MSRB2: variants seen among roughly 807,000 people sequenced by gnomAD.
The protein encoded by MSRB2 is methionine-R-sulfoxide reductase B2, mitochondrial.
Under a neutral mutation model 19.0 loss-of-function variants are expected in MSRB2, and 17 were observed. The ratio of observed to expected loss-of-function variants is 0.89; its 90% confidence interval spans 0.61 to 1.34. The LOEUF (loss-of-function observed/expected upper bound fraction) is 1.34, where lower values mean the gene tolerates loss of function less well. MSRB2 is among the 40% of genes most tolerant of loss of function. The probability of loss-of-function intolerance (pLI) is 0.00; values close to 1 mark genes in which losing one functional copy is unlikely to be tolerated. For synonymous variants in MSRB2, 107 were observed against 99.7 expected, an observed-to-expected ratio of 1.07 and a Z score of -0.44; for missense variants, 208 against 237.6, an observed-to-expected ratio of 0.88 and a Z score of 0.82.
At chr10:23,114,922 C>T (rs1191321402) in intron 3 of MSRB2, among the ~76,000 whole-genome samples, 1 of 152,156 alleles carries the variant, frequency 6.6e-6, no homozygotes, top group Non-Finnish European at 1.5e-5. Context: ...CCTTTTGGTG[C>T]CTGCTTTCCT....
chr10:23,097,729 T>A (rs144950057), intron 1 of MSRB2, among the ~76,000 whole-genome samples: 26 of 152,320 alleles, frequency 1.7e-4, no homozygotes, highest in African/African-American at 6.0e-4. Flanking sequence ...ATAATGATAA[T>A]GGTAGGGTTG....
intron 1 of MSRB2, among the ~76,000 whole-genome samples, chr10:23,096,023 C>T (rs1285185790): frequency 1.5e-4 from 23 of 151,090 alleles, no homozygotes; most frequent in Non-Finnish European, 3.0e-5. Flanking sequence ...AAGTGGGGCT[C>T]GGGGGCCTCT....
chr10:23,110,571 A>T (rs1433627070), intron 3 of MSRB2, among the ~76,000 whole-genome samples: 1 of 152,034 alleles, frequency 6.6e-6, no homozygotes, highest in Non-Finnish European at 1.5e-5. Context: ...TCTATCCTCA[A>T]GAAATAGCAA....
intron 1 of MSRB2, among the ~76,000 whole-genome samples, chr10:23,097,872 G>A (rs1839883844): frequency 6.6e-6 from 1 of 152,110 alleles, no homozygotes; most frequent in Admixed American, 6.5e-5. Flanking sequence ...TACATCATGG[G>A]CTTCGGGAGT....
At chr10:23,109,426 C>T (rs1186407594) in intron 2 of MSRB2, among the ~76,000 whole-genome samples, 1 of 151,888 alleles carries the variant, frequency 6.6e-6, no homozygotes, top group Non-Finnish European at 1.5e-5. Context: ...ACCTGTAGTC[C>T]CAGCTATTCG....
chr10:23,102,095 C>T (rs777488954), intron 1 of MSRB2, among the ~76,000 whole-genome samples: 1 of 152,108 alleles, frequency 6.6e-6, no homozygotes, highest in Non-Finnish European at 1.5e-5. Flanking sequence ...CATAGAGATG[C>T]AGTTCCTTTC....
intron 1 of MSRB2, among the ~76,000 whole-genome samples, chr10:23,099,896 G>T (rs1393633320): frequency 6.6e-6 from 1 of 152,236 alleles, no homozygotes; most frequent in Non-Finnish European, 1.5e-5. Flanking sequence ...CTCAATTCAT[G>T]AGAGTCCCAC....
At chr10:23,097,537 T>A (rs1839881477) in intron 1 of MSRB2, among the ~76,000 whole-genome samples, 1 of 152,186 alleles carries the variant, frequency 6.6e-6, no homozygotes, top group African/African-American at 2.4e-5. Flanking sequence ...AATCTAAAAC[T>A]AATAACCTCC....
At chr10:23,102,158 G>T (rs1030158660) in intron 1 of MSRB2, among the ~76,000 whole-genome samples, 1 of 152,016 alleles carries the variant, frequency 6.6e-6, no homozygotes, top group Non-Finnish European at 1.5e-5. Flanking sequence ...ACACACACGC[G>T]CAAACGTACA....
intron 1 of MSRB2, among the ~76,000 whole-genome samples, 159 bp downstream of exon 1, chr10:23,095,885 A>G: frequency 7.1e-6 from 1 of 140,036 alleles, no homozygotes; most frequent in East Asian, 2.1e-4. Context: ...AGGATCTGGG[A>G]CAGTGGATTG....
chr10:23,110,218 A>G (rs764697814), intron 2 of MSRB2, 24 bp from the exon 3 acceptor site: 65 of 1,588,384 alleles, frequency 4.1e-5, no homozygotes, highest in Non-Finnish European at 5.1e-5. Context: ...AAATCTGAAC[A>G]TGACATATCT....
At chr10:23,115,267 CCCTTTCTTCTTCTA>C (rs1489777139) in intron 3 of MSRB2, among the ~76,000 whole-genome samples, 1 of 152,182 alleles carries the variant, frequency 6.6e-6, no homozygotes, top group African/African-American at 2.4e-5. Context: ...TCCTCCTTCT[CCCTTTCTTCTTCTA>C]CATGAGCCTA....
chr10:23,099,158 T>G (rs1372606170), intron 1 of MSRB2, among the ~76,000 whole-genome samples: 1 of 152,168 alleles, frequency 6.6e-6, no homozygotes, highest in Non-Finnish European at 1.5e-5. Flanking sequence ...AACATATGAA[T>G]TTGGAAGTTG....
chr10:23,117,185 A>AGT (rs1840120646), intron 3 of MSRB2, among the ~76,000 whole-genome samples: 1 of 152,238 alleles, frequency 6.6e-6, no homozygotes, highest in African/African-American at 2.4e-5. Flanking sequence ...CAGATGTAAC[A>AGT]GACAGATCCC....
rs373939180 is a variant in MSRB2, at chr10:23,119,350, G to T, written c.343G>T (p.Glu115Ter). The change falls in exon 4 of 5, where the codon GAG becomes TAG. Residue 115 changes from glutamate to a stop codon, truncating the protein, a stop_gained. Coordinates refer to ENST00000376510, the MANE Select transcript of MSRB2 (RefSeq NM_012228.4). LOFTEE classifies it high-confidence loss of function. ...CSGTGWPSFS[E>*]AHGTSGSDES... ...TGGCACTGGGTGGCCTTCGTTTTCCGAGGCTCATGGTACGTCTGGCTCTGA... is the reference window on the plus strand; with the variant it reads ...TGGCACTGGGTGGCCTTCGTTTTCCTAGGCTCATGGTACGTCTGGCTCTGA... 1 of 1,614,134 alleles carries T rather than the reference G, an allele frequency of 6.2e-7. No individual in the cohort carries two copies. The highest frequency in any genetic ancestry group is 1.1e-5 in the South Asian group (1 of 91,070).
At chr10:23,107,569 T>A (rs1034630476) in intron 2 of MSRB2, among the ~76,000 whole-genome samples, 2 of 152,180 alleles carry the variant, frequency 1.3e-5, no homozygotes, top group African/African-American at 4.8e-5. Flanking sequence ...TCAGATAATA[T>A]CTGATACAGT....
In MSRB2 at chr10:23,113,517, C is replaced by T. The variant is rs1269452482; in HGVS notation, c.296+3199C>T. Among the ~76,000 whole-genome samples the T allele has an allele frequency of 2.0e-5, 3 of 152,018 alleles. No homozygotes were observed. In the South Asian group the frequency reaches 6.2e-4, roughly 32 times the overall value. ...AGATAAACTTGATTAGCTTTCGAGT[C>T]CCTTGGCCATCTTATGCTTCTTGGA... On this transcript the variant is annotated intron_variant, in intron 3 of 4. Transcript: ENST00000376510.
intron 2 of MSRB2, 130 bp downstream of exon 2, chr10:23,104,374 C>G: frequency 1.6e-6 from 1 of 625,864 alleles, no homozygotes; most frequent in Non-Finnish European, 2.7e-6. Context: ...TTCCATTGTG[C>G]CCTTCTCGGG....
intron 1 of MSRB2, among the ~76,000 whole-genome samples, chr10:23,103,640 G>A (rs1417655008): frequency 6.6e-6 from 1 of 152,156 alleles, no homozygotes; most frequent in East Asian, 1.9e-4. Flanking sequence ...TTTGTTCCAT[G>A]CAAGAAGATT....
Sources: allele counts gnomAD v4.1 joint callset (sites outside exome capture counted in the v4.1 genomes callset), GRCh38; gene constraint gnomAD v4.1.1; transcripts MANE v1.5; gene names NCBI Gene and HGNC (gene_info 2026-07-23, HGNC 2026-07-21).